Variants in SSUH2 observed in about 807,000 individuals in gnomAD.
SSUH2 encodes the protein ssu-2 homolog.
SSUH2 carries 47 observed loss-of-function variants against 55.3 expected under a neutral mutation model. The ratio of observed to expected loss-of-function variants is 0.85; its 90% CI spans 0.67 to 1.08. SSUH2 has a LOEUF of 1.08. Among genes scored for constraint, SSUH2 ranks in the 50% least tolerant of loss-of-function variants. The pLI, the probability that SSUH2 is intolerant of heterozygous loss-of-function variation, is 0.00. For missense variants in SSUH2, 535 were observed against 490.7 expected (o/e 1.09, Z -0.85); for synonymous variants, 212 against 191.5 (o/e 1.11, Z -0.89).
At chr3:8,630,764 G>C (rs779148869) in intron 6 of SSUH2, 41 bp downstream of exon 6, 2 of 1,340,246 alleles carry the variant, frequency 1.5e-6, no homozygotes, top group East Asian at 5.6e-5. Flanking sequence ...GCCTCTCAGG[G>C]AGAAGGGCAA....
Position 8,635,847 on chromosome 3 carries a change from G to A in SSUH2, c.39C>T (p.Asp13=). ...GAGGACTCTCGGCCTCAAAACTGAG[G>A]TCCACCACACCTGCAGAAAGACAAG... is the stretch of plus-strand genomic sequence containing the variant. The part of the protein sequence containing the change: ...RDLNEDDSVV[D]LSFEAESPLA... Residue 13 remains aspartate, a synonymous_variant, in exon 2 of 12, where the codon GAC becomes GAT. Transcript: ENST00000544814. 1.3e-6 allele frequency: 2 copies of A among 1,536,032 alleles called. No homozygotes were observed. Among genetic ancestry groups the A allele is most frequent in the Non-Finnish European group, 1.7e-6 (2 of 1,146,850 alleles).
chr3:8,679,228 G>GA (rs1559571516), intron 2 of SSUH2, among the ~76,000 whole-genome samples: 1 of 1,066 alleles, frequency 9.4e-4, no homozygotes, highest in South Asian at 0.045. Context: ...CACCCTCCGT[G>GA]AGCGGGGACT....
chr3:8,668,647 G>A lies in SSUH2; in HGVS notation c.-455+2351C>T, dbSNP rs570451052. On this transcript the variant is annotated intron_variant, in intron 5 of 18. Transcript: ENST00000317371. ...GTGAGTACAATTTTCCTTTATTAGG[G>A]ATGAATTAACCTTAGGCATCTTTTC... Among the ~76,000 whole-genome samples the A allele has an allele frequency of 7.2e-5, 11 of 152,230 alleles. No individual in the cohort carries two copies. In the South Asian group the frequency reaches 2.3e-3, roughly 32 times the overall value.
At chr3:8,627,840 G>T in intron 7 of SSUH2, 57 bp from the exon 8 acceptor site, 1 of 1,509,038 alleles carries the variant, frequency 6.6e-7, no homozygotes, top group Non-Finnish European at 9.0e-7. Flanking sequence ...AGGGCCAACG[G>T]CATCCCAAGA....
chr3:8,638,018 G>A (rs1463609014), intron 1 of SSUH2, among the ~76,000 whole-genome samples: 1 of 152,150 alleles, frequency 6.6e-6, no homozygotes, highest in Non-Finnish European at 1.5e-5. Flanking sequence ...ATAGGTGGTG[G>A]GTCCGATTTG....
At chr3:8,626,607 C>T (rs1300109467) in intron 8 of SSUH2, among the ~76,000 whole-genome samples, 2 of 143,800 alleles carry the variant, frequency 1.4e-5, no homozygotes, top group African/African-American at 2.5e-5. Flanking sequence ...TCATCTTATT[C>T]CATGTCCCTG....
chr3:8,653,007 A>G (rs1702579895), intron 7 of SSUH2, among the ~76,000 whole-genome samples: 1 of 152,220 alleles, frequency 6.6e-6, no homozygotes, highest in African/African-American at 2.4e-5. Context: ...AAGCTCTGCC[A>G]TTGTACCTGG....
intron 5 of SSUH2, among the ~76,000 whole-genome samples, chr3:8,666,732 G>T (rs1306037992): frequency 6.6e-6 from 1 of 152,192 alleles, no homozygotes; most frequent in African/African-American, 2.4e-5. Flanking sequence ...CATAACGTCA[G>T]ATCCCACAGG....
intron 7 of SSUH2, 47 bp downstream of exon 7, chr3:8,629,617 G>C (rs113842620): frequency 1.5e-6 from 1 of 655,168 alleles, no homozygotes; most frequent in Non-Finnish European, 2.3e-6. Context: ...AGGATCCCCC[G>C]GCCACCACAC....
chr3:8,634,310 C>T, intron 3 of SSUH2: 2 of 1,128,184 alleles, frequency 1.8e-6, no homozygotes, highest in South Asian at 1.4e-5. Flanking sequence ...GGTGGGACGA[C>T]AGACAGGGAC....
intron 3 of SSUH2, among the ~76,000 whole-genome samples, chr3:8,673,131 TA>T (rs1392208566): frequency 6.6e-6 from 1 of 152,042 alleles, no homozygotes; most frequent in Non-Finnish European, 1.5e-5. Context: ...TATTACAAGC[TA>T]ATATTACTGT....
chr3:8,676,584 A>G (rs761990249), intron 3 of SSUH2, among the ~76,000 whole-genome samples: 5 of 151,064 alleles, frequency 3.3e-5, no homozygotes, highest in South Asian at 4.2e-4. Flanking sequence ...TCTGAATATT[A>G]GGAAGAATAT....
rs1050070074 is a variant in SSUH2 at position 8,625,784 on chromosome 3, G to A, written c.768-137C>T. On this transcript the variant is annotated intron_variant, in intron 9 of 11. Transcript: ENST00000544814. Reference sequence around the variant, plus strand: ...CTTGCAACAGTTCTGTAGCCTCTCTGAGCCTCAGTCTCCTCACCTGTAAAA... The same window carrying A: ...CTTGCAACAGTTCTGTAGCCTCTCTAAGCCTCAGTCTCCTCACCTGTAAAA... 6 of 618,232 alleles carry A rather than the reference G, an allele frequency of 9.7e-6. No homozygotes were observed. In the Middle Eastern group the frequency reaches 7.8e-4, roughly 80 times the overall value. The allele number at this position is 618,232 out of a possible 1,614,324, so 38.3% of individuals were successfully genotyped here.
intron 6 of SSUH2, chr3:8,659,026 A>T (rs1703216490): frequency 6.6e-6 from 1 of 152,260 alleles, no homozygotes; most frequent in African/African-American, 2.4e-5. Context: ...AGAAAAGGAA[A>T]CTATGGTTCA....
chr3:8,671,090 G>A (rs1297910341), exon 5 of SSUH2: 2 of 284,090 alleles, frequency 7.0e-6, no homozygotes, highest in Non-Finnish European at 1.6e-5. Context: ...GTGAAGTCCC[G>A]CTAGGATATT....
Position 8,633,691 on chromosome 3 carries a change from T to C in SSUH2, c.314A>G (p.Glu105Gly), listed in dbSNP as rs761958571. The change falls in exon 4 of 12, where the codon GAG (glutamate) becomes GGG (glycine). Residue 105 changes from glutamate (E) to glycine (G), a missense_variant. Physicochemically the swap from Glu to Gly is moderately conservative, Grantham distance 98 (BLOSUM62 -2). Coordinates refer to ENST00000544814, the MANE Select transcript of SSUH2 (RefSeq NM_001256748.3). Reference protein sequence around the residue: ...STVAGDLVIQELKRQTLCRYR... With the variant: ...STVAGDLVIQGLKRQTLCRYR... The stretch of plus-strand genomic sequence containing the variant: ...CCTGCAGAGGGTCTGCCGCTTCAGC[T>C]CCTGGATGACGAGGTCTCCAGCCAC... The C allele has an allele frequency of 1.3e-6, 2 of 1,533,758 alleles. No homozygotes were observed. The highest frequency in any genetic ancestry group is 1.8e-6 in the Non-Finnish European group (2 of 1,141,300).
chr3:8,652,628 C>T (rs917847780), intron 7 of SSUH2, among the ~76,000 whole-genome samples: 6 of 152,220 alleles, frequency 3.9e-5, no homozygotes, highest in Non-Finnish European at 8.8e-5. Flanking sequence ...TCCAAATCTT[C>T]AGCCAGCCTC....
intron 1 of SSUH2, 83 bp from the exon 2 acceptor site, chr3:8,635,940 C>A: frequency 1.6e-6 from 2 of 1,214,668 alleles, no homozygotes; most frequent in Non-Finnish European, 1.1e-6. Context: ...GAAATTAGGG[C>A]GGGTGCATTA....
chr3:8,634,164 G>T (rs1699473493), intron 3 of SSUH2: 2 of 627,400 alleles, frequency 3.2e-6, no homozygotes, highest in Non-Finnish European at 2.7e-6. Context: ...GGCAGAGACA[G>T]GCTAAATAAG....
Sources: gnomAD v4.1 joint callset for allele counts (sites outside exome capture counted in the v4.1 genomes callset) on GRCh38, gnomAD v4.1.1 for gene constraint, MANE v1.5 for transcripts, NCBI Gene and HGNC (gene_info 2026-07-23, HGNC 2026-07-21) for gene names.